The following STK3 variants were observed in gnomAD, a reference collection of about 807,000 sequenced individuals.
STK3 encodes serine/threonine-protein kinase 3.
Under a neutral mutation model 58.0 loss-of-function variants are expected in STK3, and 41 were observed. The observed-to-expected ratio is 0.71, with a 90% CI of 0.55 to 0.92. The LOEUF (loss-of-function observed/expected upper bound fraction) is 0.92, where lower values mean the gene tolerates loss of function less well. STK3 is among the 40% of genes least tolerant of loss of function. The pLI is 0.00. For missense variants in STK3, 479 were observed against 602.7 expected, an observed-to-expected ratio of 0.79 and a Z score of 2.15; for synonymous variants, 170 against 191.0, an observed-to-expected ratio of 0.89 and a Z score of 0.91.
chr8:98,639,739 T>G (rs1819873784), intron 6 of STK3, among the ~76,000 whole-genome samples: 1 of 152,212 alleles, frequency 6.6e-6, no homozygotes, highest in Non-Finnish European at 1.5e-5. Context: ...TTTTAAGTGT[T>G]TTTCCATGTT....
chr8:98,365,654 A>T, the STK3 span, among the ~76,000 whole-genome samples: 204 of 152,006 alleles, frequency 1.3e-3, 1 homozygote, highest in Non-Finnish European at 2.2e-3. Flanking sequence ...CCCTCCCCAG[A>T]GCAACCCTAT....
At chr8:98,703,330 A>C (rs1437862472) in intron 6 of STK3, among the ~76,000 whole-genome samples, 1 of 152,154 alleles carries the variant, frequency 6.6e-6, no homozygotes, top group African/African-American at 2.4e-5. Context: ...AAATAACATA[A>C]TCTTATCCAT....
chr8:98,833,510 C>T (rs1326009015), intron 3 of STK3, among the ~76,000 whole-genome samples: 2 of 152,122 alleles, frequency 1.3e-5, no homozygotes, highest in African/African-American at 2.4e-5. Flanking sequence ...AAATTTTTCC[C>T]ACAAGAGACA....
chr8:98,508,762 C>A (rs1045066151), intron 10 of STK3, among the ~76,000 whole-genome samples: 1 of 152,020 alleles, frequency 6.6e-6, no homozygotes, highest in Non-Finnish European at 1.5e-5. Flanking sequence ...AAATAAAGTT[C>A]TTAACAATTT....
At chr8:98,725,172 G>A (rs1238711170) in intron 4 of STK3, among the ~76,000 whole-genome samples, 1 of 152,130 alleles carries the variant, frequency 6.6e-6, no homozygotes, top group African/African-American at 2.4e-5. Flanking sequence ...ATATGTACTG[G>A]TATGGGAAGG....
At chr8:98,876,044 A>T (rs1483786253) in intron 3 of STK3, among the ~76,000 whole-genome samples, 2 of 152,182 alleles carry the variant, frequency 1.3e-5, no homozygotes, top group African/African-American at 4.8e-5. Context: ...GGAAACTTCC[A>T]CTGTGGCACT....
At chr8:98,490,402 C>T (rs73275810) in intron 10 of STK3, among the ~76,000 whole-genome samples, 2,697 of 152,176 alleles carry the variant, frequency 0.018, 82 homozygotes, top group African/African-American at 0.062. Flanking sequence ...TTGCATTAGA[C>T]AAAACTTTCA....
intron 1 of STK3, among the ~76,000 whole-genome samples, chr8:98,786,290 T>C (rs1236172279): frequency 1.3e-5 from 2 of 152,232 alleles, no homozygotes; most frequent in East Asian, 3.8e-4. Flanking sequence ...CTCATGCCTA[T>C]AATCCCAACA....
chr8:98,596,245 C>CT (rs1172923090), intron 6 of STK3, 76 bp from the exon 7 acceptor site: 2 of 1,460,202 alleles, frequency 1.4e-6, no homozygotes, highest in Non-Finnish European at 1.8e-6. Context: ...CTTTATCTGT[C>CT]TTTTTATCAG....
At chr8:98,899,989 G>A (rs1407365666) in intron 1 of STK3, among the ~76,000 whole-genome samples, 1 of 152,166 alleles carries the variant, frequency 6.6e-6, no homozygotes, top group Non-Finnish European at 1.5e-5. Flanking sequence ...AATAACTGTT[G>A]GCTAGTAATA....
intron 10 of STK3, among the ~76,000 whole-genome samples, chr8:98,524,597 T>C (rs1263314738): frequency 6.6e-6 from 1 of 152,248 alleles, no homozygotes; most frequent in Non-Finnish European, 1.5e-5. Flanking sequence ...TCTCATTCTT[T>C]TTGATGCTAT....
chr8:98,512,606 A>T (rs1824605095), intron 10 of STK3, among the ~76,000 whole-genome samples: 1 of 152,164 alleles, frequency 6.6e-6, no homozygotes, highest in South Asian at 2.1e-4. Flanking sequence ...TCCTTCCTTG[A>T]AAAAACCTAA....
At chr8:98,773,492 C>T (rs1018126324) in intron 2 of STK3, among the ~76,000 whole-genome samples, 1 of 152,008 alleles carries the variant, frequency 6.6e-6, no homozygotes. Flanking sequence ...TGCACAGTGG[C>T]CCACACCTAT....
intron 6 of STK3, among the ~76,000 whole-genome samples, chr8:98,693,674 A>G (rs1453622129): frequency 1.3e-5 from 2 of 152,204 alleles, no homozygotes; most frequent in East Asian, 1.9e-4. Flanking sequence ...GAATCTTCCA[A>G]CAGGTGGTGT....
chr8:98,714,836 G>T (rs1246840325), intron 4 of STK3, among the ~76,000 whole-genome samples: 2 of 152,126 alleles, frequency 1.3e-5, no homozygotes, highest in Non-Finnish European at 2.9e-5. Flanking sequence ...TCAATCCTAA[G>T]CCAAAGGAAC....
intron 1 of STK3, chr8:98,942,369 C>T (rs1446444563): frequency 6.6e-6 from 1 of 152,274 alleles, no homozygotes; most frequent in Non-Finnish European, 1.5e-5. Flanking sequence ...CTCGCCGACT[C>T]TTCCCTACCT....
At chr8:98,410,581 T>C (rs1296927012) in intron 3 of STK3, among the ~76,000 whole-genome samples, 2 of 152,180 alleles carry the variant, frequency 1.3e-5, no homozygotes, top group African/African-American at 4.8e-5. Flanking sequence ...AAGAAATAGA[T>C]GAATAACCAA....
At chr8:98,614,270 T>C (rs1202393784) in intron 6 of STK3, among the ~76,000 whole-genome samples, 1 of 152,006 alleles carries the variant, frequency 6.6e-6, no homozygotes, top group East Asian at 1.9e-4. Flanking sequence ...AGAGAACATA[T>C]ACTGAGGCAT....
intron 2 of STK3, among the ~76,000 whole-genome samples, chr8:98,373,391 T>C (rs537664432): frequency 8.5e-5 from 13 of 152,328 alleles, no homozygotes; most frequent in South Asian, 4.1e-4. Flanking sequence ...GTTTGGCCAA[T>C]GAAATGTCAT....
Sources: gnomAD v4.1 joint callset for allele counts (sites outside exome capture counted in the v4.1 genomes callset) on GRCh38, gnomAD v4.1.1 for gene constraint, MANE v1.5 for transcripts, NCBI Gene and HGNC (gene_info 2026-07-23, HGNC 2026-07-21) for gene names.